The following CALN1 variants were observed in gnomAD, a reference collection of about 807,000 sequenced individuals.
The protein encoded by CALN1 is calneuron 1.
Under a neutral mutation model 30.6 loss-of-function variants are expected in CALN1, and 17 were observed. The observed-to-expected ratio is 0.56, with a 90% confidence interval of 0.38 to 0.83. The LOEUF (loss-of-function observed/expected upper bound fraction) is 0.83. Ranked by LOEUF, CALN1 falls within the 40% of genes least tolerant of loss-of-function variation. CALN1 has a pLI of 0.00. For missense variants in CALN1, 291 were observed against 354.9 expected (o/e 0.82, Z 1.45); for synonymous variants, 156 against 131.4 (o/e 1.19, Z -1.28).
intron 2 of CALN1, among the ~76,000 whole-genome samples, chr7:72,395,704 G>C (rs1039623683): frequency 3.9e-5 from 6 of 152,146 alleles, no homozygotes; most frequent in Non-Finnish European, 7.3e-5. Context: ...GTGATGAAAA[G>C]TTTCTTAGGT....
intron 5 of CALN1, among the ~76,000 whole-genome samples, chr7:71,938,771 T>C (rs187627582): frequency 4.4e-4 from 67 of 151,980 alleles, no homozygotes; most frequent in Admixed American, 7.9e-4. Flanking sequence ...GCCTGGGCGA[T>C]AGAACGAAAC....
intron 3 of CALN1, among the ~76,000 whole-genome samples, chr7:72,120,320 C>A (rs1808290834): frequency 6.6e-6 from 1 of 152,064 alleles, no homozygotes; most frequent in Non-Finnish European, 1.5e-5. Context: ...AGCTTTATAT[C>A]ATTTTTTTCA....
chr7:72,019,766 C>T (rs844791), intron 5 of CALN1, among the ~76,000 whole-genome samples: 42,050 of 152,076 alleles, frequency 0.28, 8,930 homozygotes, highest in African/African-American at 0.59. Context: ...CCACCCAGCT[C>T]AGCCAGCTTT....
intron 2 of CALN1, among the ~76,000 whole-genome samples, chr7:72,345,833 G>C (rs1178418773): frequency 6.6e-6 from 1 of 152,112 alleles, no homozygotes. Flanking sequence ...AACGCCTGCC[G>C]CATGAAAAGT....
intron 2 of CALN1, among the ~76,000 whole-genome samples, chr7:72,399,539 G>A (rs958578705): frequency 6.6e-6 from 1 of 152,036 alleles, no homozygotes; most frequent in African/African-American, 2.4e-5. Flanking sequence ...AAAGTGCTGG[G>A]ATTACAGGCA....
chr7:72,195,373 T>C (rs1790912083), intron 3 of CALN1, among the ~76,000 whole-genome samples: 1 of 152,168 alleles, frequency 6.6e-6, no homozygotes, highest in Non-Finnish European at 1.5e-5. Context: ...CTGATGTCAA[T>C]TACAATCTCT....
At chr7:72,006,718 A>G (rs181269798) in intron 5 of CALN1, among the ~76,000 whole-genome samples, 1 of 152,178 alleles carries the variant, frequency 6.6e-6, no homozygotes, top group Admixed American at 6.5e-5. Context: ...TTATAGGTAT[A>G]AATGGTAATC....
At chr7:71,897,996 AGAGAGAGGGAGGGAGGGGGGGG>A (rs1240450818) in intron 5 of CALN1, among the ~76,000 whole-genome samples, 81 of 76,020 alleles carry the variant, frequency 1.1e-3, no homozygotes, top group African/African-American at 3.7e-3. Flanking sequence ...AAAAAAAGAG[AGAGAGAGGGAGGGAGGGGGGGG>A]GAGAGAGAGA....
At chr7:72,073,883 T>G (rs1455469673) in intron 4 of CALN1, among the ~76,000 whole-genome samples, 1 of 152,134 alleles carries the variant, frequency 6.6e-6, no homozygotes, top group Non-Finnish European at 1.5e-5. Flanking sequence ...TTTCTAGAAA[T>G]GAGGTCTTAC....
intron 2 of CALN1, among the ~76,000 whole-genome samples, chr7:72,344,536 C>T (rs968913112): frequency 6.8e-6 from 1 of 147,460 alleles, no homozygotes; most frequent in Admixed American, 6.8e-5. Context: ...CTCTGGAGAA[C>T]AAGTATTGAG....
chr7:72,300,329 A>AT (rs1242194564), intron 2 of CALN1, among the ~76,000 whole-genome samples: 155 of 149,152 alleles, frequency 1.0e-3, no homozygotes, highest in African/African-American at 3.1e-3. Flanking sequence ...CTGTAACTCT[A>AT]TTTTTTTTTT....
chr7:71,923,210 C>A (rs1244916075), intron 5 of CALN1, among the ~76,000 whole-genome samples: 1 of 152,074 alleles, frequency 6.6e-6, no homozygotes, highest in African/African-American at 2.4e-5. Flanking sequence ...AGAGAAGGCA[C>A]CCTTTATGCT....
At chr7:72,335,424 C>G (rs1453060169) in intron 2 of CALN1, among the ~76,000 whole-genome samples, 3 of 152,190 alleles carry the variant, frequency 2.0e-5, no homozygotes, top group Admixed American at 1.3e-4. Context: ...TCAACACACA[C>G]AGCGCAGAAA....
At chr7:71,880,112 G>T (rs1183876852) in intron 5 of CALN1, among the ~76,000 whole-genome samples, 1 of 152,128 alleles carries the variant, frequency 6.6e-6, no homozygotes, top group East Asian at 1.9e-4. Context: ...CCTCCAGCCT[G>T]GGTGATGGAG....
At chr7:72,257,678 C>T (rs1475621463) in intron 3 of CALN1, among the ~76,000 whole-genome samples, 1 of 152,200 alleles carries the variant, frequency 6.6e-6, no homozygotes, top group Non-Finnish European at 1.5e-5. Context: ...TATAGCAGCA[C>T]AGTTCGCAAC....
At chr7:71,967,950 A>G (rs1797610716) in intron 5 of CALN1, among the ~76,000 whole-genome samples, 1 of 152,230 alleles carries the variant, frequency 6.6e-6, no homozygotes, top group Non-Finnish European at 1.5e-5. Flanking sequence ...TAAAAATGGT[A>G]TCACCACTTT....
At chr7:72,385,850 C>T (rs1805180509) in intron 2 of CALN1, among the ~76,000 whole-genome samples, 1 of 152,196 alleles carries the variant, frequency 6.6e-6, no homozygotes, top group African/African-American at 2.4e-5. Flanking sequence ...TGTAACTTTC[C>T]TGAGGCCTCC....
chr7:71,883,295 T>C (rs1792696449), intron 5 of CALN1, among the ~76,000 whole-genome samples: 1 of 152,142 alleles, frequency 6.6e-6, no homozygotes, highest in East Asian at 1.9e-4. Flanking sequence ...AATTATTCAT[T>C]ATTCTAGGTT....
At chr7:71,955,205 AC>A (rs1457517832) in intron 5 of CALN1, among the ~76,000 whole-genome samples, 4 of 152,018 alleles carry the variant, frequency 2.6e-5, no homozygotes, top group Non-Finnish European at 5.9e-5. Flanking sequence ...CCCTGATAAA[AC>A]CATCAGATCT....
Sources: allele counts gnomAD v4.1 joint callset (sites outside exome capture counted in the v4.1 genomes callset), GRCh38; gene constraint gnomAD v4.1.1; transcripts MANE v1.5; gene names NCBI Gene and HGNC (gene_info 2026-07-23, HGNC 2026-07-21).